The following ZW10 variants were observed in gnomAD, a reference collection of about 807,000 sequenced individuals.
The protein encoded by ZW10 is zw10 kinetochore protein, also known as centromere/kinetochore protein zw10 homolog.
A neutral mutation model predicts 87.8 loss-of-function variants in ZW10; 53 were observed. That is an observed-to-expected ratio of 0.60 (90% CI 0.48 to 0.76). The LOEUF (loss-of-function observed/expected upper bound fraction) is 0.76. Ranked by LOEUF, ZW10 falls within the 30% of genes least tolerant of loss-of-function variation. The probability of loss-of-function intolerance (pLI) is 0.00; values close to 1 mark genes in which losing one functional copy is unlikely to be tolerated. For synonymous variants in ZW10, 312 were observed against 329.2 expected (o/e 0.95, Z 0.57); for missense variants, 837 against 923.0 (o/e 0.91, Z 1.21).
chr11:113,741,145 GTTTC>G (rs1017097544), intron 11 of ZW10, among the ~76,000 whole-genome samples: 2 of 147,350 alleles, frequency 1.4e-5, no homozygotes, highest in Non-Finnish European at 3.0e-5. Context: ...TTGGTTTTTT[GTTTC>G]TTTGTTTTAA....
rs1162648175 is a variant in ZW10, at chr11:113,760,509, G to GTAC, written c.420+1_420+3dup. On this transcript the variant is annotated splice_donor_region_variant and intron_variant, in intron 4 of 15. Coordinates refer to ENST00000200135, the MANE Select transcript of ZW10 (RefSeq NM_004724.4). The stretch of plus-strand genomic sequence containing the variant: ...GCGCATGCTTTGGGGAGAGCATTTA[G>GTAC]TACCTCTTCCAGACGCTGAGCACCA... 2 of 1,612,650 alleles carry GTAC rather than the reference G, an allele frequency of 1.2e-6. No homozygotes were observed. The highest frequency in any genetic ancestry group is 3.3e-5 in the Admixed American group (2 of 59,924).
intron 2 of ZW10, among the ~76,000 whole-genome samples, chr11:113,765,253 A>T (rs1372371043): frequency 2.0e-5 from 3 of 152,232 alleles, no homozygotes; most frequent in Non-Finnish European, 4.4e-5. Context: ...TCGAGTCCAC[A>T]TTATTTTCCT....
rs1321311091 is a variant in ZW10, at chr11:113,748,268, G to C, written c.1078C>G (p.Gln360Glu). The C allele has an allele frequency of 6.2e-7, 1 of 1,612,008 alleles. No individual in the cohort carries two copies. Among genetic ancestry groups the C allele is most frequent in the Admixed American group, 1.7e-5 (1 of 59,434 alleles). ...SIPTNSSKLQ[Q>E]YEEIIQSTEE... Reference sequence around the variant, plus strand: ...TCTGGGCTCTTTACCTCTTCATATTGCTGTAATTTGCTGCTATTTGTTGGA... The same window carrying C: ...TCTGGGCTCTTTACCTCTTCATATTCCTGTAATTTGCTGCTATTTGTTGGA... Residue 360 changes from glutamine to glutamate, a missense_variant, in exon 8 of 16, where the codon CAA (glutamine) becomes GAA (glutamate). Transcript: ENST00000200135.
intron 7 of ZW10, among the ~76,000 whole-genome samples, chr11:113,756,608 A>G (rs1004022034): frequency 2.0e-5 from 3 of 152,062 alleles, no homozygotes; most frequent in Non-Finnish European, 4.4e-5. Flanking sequence ...CAAAACAAAA[A>G]CCTGCCTGGT....
chr11:113,764,329 G>T (rs926342575), intron 2 of ZW10, among the ~76,000 whole-genome samples: 13 of 152,144 alleles, frequency 8.5e-5, no homozygotes, highest in African/African-American at 3.1e-4. Flanking sequence ...GTTTAGGATT[G>T]TCTTGGCTAT....
Position 113,736,757 on chromosome 11 carries a change from G to C in ZW10, c.2082C>G (p.Pro694=). The C allele has an allele frequency of 6.2e-7, 1 of 1,614,048 alleles. No individual in the cohort carries two copies. The highest frequency in any genetic ancestry group is 8.5e-7 in the Non-Finnish European group (1 of 1,180,008). ...CTTCAGATAAAGGTGCAAATACTTG[G>C]GGTCCTTCATCCATCACTGTTTTGC... ...SLCKTVMDEG[P]QVFAPLSEES... Residue 694 remains proline (P), a synonymous_variant, in exon 15 of 16, where the codon CCC becomes CCG. Transcript: ENST00000200135.
chr11:113,750,407 G>C (rs543181517), intron 7 of ZW10, among the ~76,000 whole-genome samples: 26 of 151,988 alleles, frequency 1.7e-4, no homozygotes, highest in African/African-American at 6.0e-4. Context: ...GGGTTCAAGC[G>C]ATTCTCCTTC....
At position 113,760,212 on chromosome 11, in the gene ZW10, T is replaced by G; in HGVS notation, c.577A>C (p.Lys193Gln). Residue 193 changes from lysine (K) to glutamine (Q), a missense_variant, in exon 5 of 16, where the codon AAA (lysine) becomes CAA (glutamine). Lys to Gln is a moderately conservative substitution (Grantham distance 53). Transcript: ENST00000200135. Reference sequence around the variant, plus strand: ...GTCCACCTGAGGTCAGCAGCACCTTTTGATGGTGGGAACTTCCATACAATC... The same window carrying G: ...GTCCACCTGAGGTCAGCAGCACCTTGTGATGGTGGGAACTTCCATACAATC... ...KLIVWKFPPS[K>Q]DTSSLESYLQ... 3.7e-6 allele frequency: 6 copies of G among 1,613,798 alleles called. No individual in the cohort carries two copies. The highest frequency in any genetic ancestry group is 5.1e-6 in the Non-Finnish European group (6 of 1,179,882).
At chr11:113,754,929 C>A (rs538833215) in intron 7 of ZW10, among the ~76,000 whole-genome samples, 1 of 152,252 alleles carries the variant, frequency 6.6e-6, no homozygotes, top group South Asian at 2.1e-4. Flanking sequence ...GTGTGAGCTA[C>A]CATGCCCAGC....
chr11:113,758,081 G>A (rs768009880), intron 6 of ZW10, among the ~76,000 whole-genome samples: 1 of 152,048 alleles, frequency 6.6e-6, no homozygotes, highest in Non-Finnish European at 1.5e-5. Context: ...GCTGAGGCAG[G>A]AGAACTGCCT....
At chr11:113,737,470 C>A in intron 14 of ZW10, 102 bp downstream of exon 14, 3 of 1,164,036 alleles carry the variant, frequency 2.6e-6, no homozygotes, top group Non-Finnish European at 2.3e-6. Context: ...ATGAGTTAGA[C>A]ATGAAACATG....
chr11:113,772,266 G>C (rs1054827569), intron 1 of ZW10, among the ~76,000 whole-genome samples: 3 of 152,214 alleles, frequency 2.0e-5, no homozygotes, highest in African/African-American at 7.2e-5. Flanking sequence ...GCAGGAGCTA[G>C]GGTCGCTTGC....
At chr11:113,737,459 C>T (rs1953566395) in intron 14 of ZW10, 113 bp downstream of exon 14, 1 of 1,082,570 alleles carries the variant, frequency 9.2e-7, no homozygotes, top group African/African-American at 1.6e-5. Flanking sequence ...AAAAAAACAG[C>T]ATGAGTTAGA....
chr11:113,755,212 T>C (rs1387157049), intron 7 of ZW10, among the ~76,000 whole-genome samples: 1 of 152,122 alleles, frequency 6.6e-6, no homozygotes, highest in Admixed American at 6.6e-5. Context: ...CTGAGCAAAA[T>C]AAAATGAAAA....
At chr11:113,735,798 A>G (rs1953545222) in intron 15 of ZW10, among the ~76,000 whole-genome samples, 1 of 150,678 alleles carries the variant, frequency 6.6e-6, no homozygotes, top group Admixed American at 6.6e-5. Context: ...GAGAGAAAAC[A>G]TCATCCACTA....
intron 1 of ZW10, among the ~76,000 whole-genome samples, chr11:113,772,738 C>T (rs1591426939): frequency 1.3e-5 from 2 of 149,956 alleles, no homozygotes; most frequent in South Asian, 4.2e-4. Flanking sequence ...TTTGGGAGGC[C>T]GAGGCGGGTG....
chr11:113,758,800 A>G (rs1355214015), intron 5 of ZW10, 94 bp from the exon 6 acceptor site: 2 of 1,242,202 alleles, frequency 1.6e-6, no homozygotes, highest in Non-Finnish European at 1.1e-6. Flanking sequence ...TTTCCAATGC[A>G]GTTCTATTAC....
chr11:113,737,215 G>A (rs1489300489), intron 14 of ZW10, among the ~76,000 whole-genome samples: 1 of 152,140 alleles, frequency 6.6e-6, no homozygotes, highest in Non-Finnish European at 1.5e-5. Flanking sequence ...GCAACAGTGT[G>A]TTGGAAAAAT....
At chr11:113,745,277 G>T (rs1953666709) in intron 9 of ZW10, among the ~76,000 whole-genome samples, 1 of 149,128 alleles carries the variant, frequency 6.7e-6, no homozygotes. Context: ...TTTGAACCTT[G>T]TTCCTCAAAG....
Sources: allele counts gnomAD v4.1 joint callset (sites outside exome capture counted in the v4.1 genomes callset), GRCh38; gene constraint gnomAD v4.1.1; transcripts MANE v1.5; gene names NCBI Gene and HGNC (gene_info 2026-07-23, HGNC 2026-07-21).